CRB1: variants seen among roughly 807,000 people sequenced by gnomAD.
CRB1 encodes protein crumbs homolog 1.
Under a neutral mutation model 120.0 loss-of-function variants are expected in CRB1, and 83 were observed. The observed-to-expected ratio is 0.69, with a 90% CI of 0.58 to 0.83. The LOEUF (loss-of-function observed/expected upper bound fraction) is 0.83, where lower values mean the gene tolerates loss of function less well. Ranked by LOEUF, CRB1 falls within the 40% of genes least tolerant of loss-of-function variation. The pLI, the probability that CRB1 is intolerant of heterozygous loss-of-function variation, is 0.00. For synonymous variants in CRB1, 625 were observed against 612.5 expected, an observed-to-expected ratio of 1.02 and a Z score of -0.30; for missense variants, 1,699 against 1,687.6, an observed-to-expected ratio of 1.01 and a Z score of -0.12.
the CRB1 span, among the ~76,000 whole-genome samples, chr1:197,213,279 C>T: frequency 3.3e-5 from 5 of 152,120 alleles, no homozygotes; most frequent in East Asian, 1.9e-4. Flanking sequence ...GTTCTGAATG[C>T]GCAGAAGAGC....
chr1:197,224,959 T>C, the CRB1 span, among the ~76,000 whole-genome samples: 2 of 152,184 alleles, frequency 1.3e-5, no homozygotes, highest in South Asian at 2.1e-4. Flanking sequence ...GCTTGAGATA[T>C]AATACTAATG....
In CRB1 at chr1:197,355,436, C is replaced by T. The variant is rs149677635; in HGVS notation, c.989-1395C>T. On this transcript the variant is annotated intron_variant, in intron 4 of 11. Transcript: ENST00000367400. ...GGGCGGTTGATGGGACCCGGCGCCG[C>T]GGAGCAGGGGGTGGTGCTCATCCTG... is the stretch of plus-strand genomic sequence containing the variant. Among the ~76,000 whole-genome samples, 502 of 152,332 alleles carry T rather than the reference C, an allele frequency of 3.3e-3. 13 individuals carry two copies. The highest frequency in any genetic ancestry group is 0.025 in the Admixed American group (390 of 15,302).
chr1:197,354,576 C>T (rs1021647891), intron 4 of CRB1, among the ~76,000 whole-genome samples: 1 of 152,002 alleles, frequency 6.6e-6, no homozygotes, highest in Non-Finnish European at 1.5e-5. Flanking sequence ...CGTCTGGCCG[C>T]GTCTGGAGAG....
At chr1:197,337,259 T>A (rs983271505) in intron 2 of CRB1, among the ~76,000 whole-genome samples, 33 of 152,198 alleles carry the variant, frequency 2.2e-4, no homozygotes, top group African/African-American at 8.0e-4. Context: ...GACATGTGAC[T>A]GCTATTTCTC....
the CRB1 span, among the ~76,000 whole-genome samples, chr1:197,253,473 A>G: frequency 2.6e-5 from 4 of 152,082 alleles, no homozygotes; most frequent in Non-Finnish European, 4.4e-5. Context: ...GTTTATACCA[A>G]TTTTAATATA....
intron 3 of CRB1, among the ~76,000 whole-genome samples, chr1:197,345,502 CTTTTTTT>C (rs972072957): frequency 7.4e-4 from 67 of 90,594 alleles, no homozygotes; most frequent in Non-Finnish European, 1.2e-3. Flanking sequence ...AAAATAATGA[CTTTTTTT>C]TTTTTTTTTT....
In CRB1 at chr1:197,434,824, A is replaced by C; in HGVS notation, c.2961A>C (p.Val987=). The C allele has an allele frequency of 6.2e-7, 1 of 1,613,816 alleles. No homozygotes were observed. The highest frequency in any genetic ancestry group is 8.5e-7 in the Non-Finnish European group (1 of 1,179,760). The change falls in exon 9 of 12, where the codon GTA becomes GTC. Residue 987 remains valine, a synonymous_variant. Transcript: ENST00000367400. ...GTTTCAGAACAAGGGATGCAAATGT[A>C]ATAATATTGCATGCAGAAAAAGAGC... ...TFGFRTRDAN[V]IILHAEKEPE... is the part of the protein sequence containing the mutation.
chr1:197,247,780 T>C, the CRB1 span, among the ~76,000 whole-genome samples: 9 of 152,056 alleles, frequency 5.9e-5, no homozygotes, highest in African/African-American at 2.2e-4. Context: ...TGAATCAGTT[T>C]GTTTAGTCTG....
chr1:197,337,832 G>C (rs528763946), intron 2 of CRB1, among the ~76,000 whole-genome samples: 1 of 151,928 alleles, frequency 6.6e-6, no homozygotes, highest in African/African-American at 2.4e-5. Flanking sequence ...AATATGTGTA[G>C]GCAAGAATTC....
chr1:197,352,905 T>A (rs1214724425), intron 4 of CRB1, among the ~76,000 whole-genome samples: 1 of 152,182 alleles, frequency 6.6e-6, no homozygotes, highest in Non-Finnish European at 1.5e-5. Flanking sequence ...TAATAGTCAA[T>A]TCCCTGGTTT....
intron 11 of CRB1, among the ~76,000 whole-genome samples, chr1:197,450,474 C>A (rs1041511225): frequency 6.6e-6 from 1 of 152,006 alleles, no homozygotes; most frequent in Non-Finnish European, 1.5e-5. Flanking sequence ...TATGAATGAT[C>A]CTGTCACCAG....
At chr1:197,312,634 G>GA (rs1368470085) in intron 1 of CRB1, among the ~76,000 whole-genome samples, 1 of 152,022 alleles carries the variant, frequency 6.6e-6, no homozygotes, top group African/African-American at 2.4e-5. Context: ...TGTTAAGATA[G>GA]AAAAAATATA....
At chr1:197,226,011 G>A in the CRB1 span, among the ~76,000 whole-genome samples, 633 of 151,910 alleles carry the variant, frequency 4.2e-3, 9 homozygotes, top group East Asian at 0.015. Flanking sequence ...AGCTATTCTC[G>A]TGCCTCAGTC....
intron 5 of CRB1, among the ~76,000 whole-genome samples, chr1:197,394,738 C>T (rs1662686741): frequency 6.6e-6 from 1 of 152,010 alleles, no homozygotes; most frequent in Non-Finnish European, 1.5e-5. Context: ...ACTTTCAACA[C>T]AGGGACACTA....
chr1:197,280,434 G>A (rs1434641990), intron 1 of CRB1, among the ~76,000 whole-genome samples: 2 of 151,812 alleles, frequency 1.3e-5, no homozygotes, highest in Non-Finnish European at 2.9e-5. Context: ...CCAGCTACAT[G>A]TGCTACAAGT....
chr1:197,429,016 A>C, intron 7 of CRB1: 1 of 1,511,908 alleles, frequency 6.6e-7, no homozygotes, highest in Non-Finnish European at 8.9e-7. Context: ...GTTGGGATCC[A>C]GAGGACCTAA....
intron 5 of CRB1, chr1:197,357,228 A>G: frequency 1.6e-6 from 1 of 619,700 alleles, no homozygotes; most frequent in South Asian, 1.8e-5. Context: ...TAAAGGAGGA[A>G]TGAAAGGGAT....
rs775754390 is a variant in CRB1, at chr1:197,356,937, C to T, written c.1095C>T (p.Arg365=). 29 of 1,614,080 alleles carry T rather than the reference C, an allele frequency of 1.8e-5. No homozygotes were observed. The highest frequency in any genetic ancestry group is 2.4e-5 in the Non-Finnish European group (28 of 1,180,036). ...TGTCCTCAGAGAAACAATATGGACG[C>T]ATCACTGGACTGCCTTCTTCTTTCA... ...VELSSEKQYG[R]ITGLPSSFSY... is the part of the protein sequence containing the mutation. Residue 365 remains arginine (R), a synonymous_variant, in exon 5 of 12, where the codon CGC becomes CGT. Coordinates refer to ENST00000367400, the MANE Select transcript of CRB1 (RefSeq NM_201253.3).
intron 5 of CRB1, among the ~76,000 whole-genome samples, chr1:197,404,441 CAAAAAAAAAAAAAA>C (rs558125777): frequency 5.1e-5 from 3 of 58,718 alleles, no homozygotes; most frequent in Non-Finnish European, 6.6e-5. Context: ...GACTCCGTCT[CAAAAAAAAAAAAAA>C]AAAAAAAAAA....
Sources: gnomAD v4.1 joint callset for allele counts (sites outside exome capture counted in the v4.1 genomes callset) on GRCh38, gnomAD v4.1.1 for gene constraint, MANE v1.5 for transcripts, NCBI Gene and HGNC (gene_info 2026-07-23, HGNC 2026-07-21) for gene names.